ITPR2: variants seen among roughly 807,000 people sequenced by gnomAD.
ITPR2 encodes the protein inositol 1,4,5-trisphosphate receptor type 2.
In ITPR2, 207 loss-of-function variants were observed where a neutral mutation model predicts 317.1. The ratio of observed to expected loss-of-function variants is 0.65; its 90% CI spans 0.58 to 0.73. The LOEUF is 0.73. Ranked by LOEUF, ITPR2 falls within the 30% of genes least tolerant of loss-of-function variation. ITPR2 has a pLI of 0.00. For missense variants in ITPR2, 2,613 were observed against 3,284.0 expected (o/e 0.80, Z 4.99); for synonymous variants, 1,156 against 1,149.1 (o/e 1.01, Z -0.12).
intron 9 of ITPR2, among the ~76,000 whole-genome samples, chr12:26,699,850 T>C (rs1395403012): frequency 2.0e-5 from 3 of 152,172 alleles, no homozygotes; most frequent in African/African-American, 7.2e-5. Flanking sequence ...AAAAAAATTA[T>C]TTTTTAAAGA....
At chr12:26,495,374 T>G (rs11048550) in intron 37 of ITPR2, 114 bp from the exon 38 acceptor site, 306,592 of 544,142 alleles carry the variant, frequency 0.56, 89,762 homozygotes, top group South Asian at 0.67. Flanking sequence ...CATGGAAAAA[T>G]TAACTTTCTA....
chr12:26,510,660 T>A (rs1380111630), intron 37 of ITPR2, among the ~76,000 whole-genome samples: 2 of 152,146 alleles, frequency 1.3e-5, no homozygotes, highest in Admixed American at 6.5e-5. Context: ...CCCGCAGGAG[T>A]AAGGTGAAGA....
chr12:26,666,548 T>A (rs1186950617), intron 13 of ITPR2, among the ~76,000 whole-genome samples: 2 of 152,224 alleles, frequency 1.3e-5, no homozygotes, highest in Admixed American at 1.3e-4. Context: ...ATCCTTTTTC[T>A]TTCTTTTTTT....
At chr12:26,737,359 G>A (rs1048869002) in intron 2 of ITPR2, among the ~76,000 whole-genome samples, 1 of 151,736 alleles carries the variant, frequency 6.6e-6, no homozygotes, top group African/African-American at 2.4e-5. Context: ...AGGTTCAAGC[G>A]ATTCTCCTGT....
chr12:26,391,345 G>A (rs1281163660), intron 54 of ITPR2, among the ~76,000 whole-genome samples: 1 of 151,928 alleles, frequency 6.6e-6, no homozygotes, highest in Non-Finnish European at 1.5e-5. Flanking sequence ...ATGTTCTTTT[G>A]CCATCTGGGC....
chr12:26,755,730 C>T (rs578059706), intron 2 of ITPR2, among the ~76,000 whole-genome samples: 4 of 152,230 alleles, frequency 2.6e-5, no homozygotes, highest in African/African-American at 7.2e-5. Context: ...GTTATTTTAC[C>T]GAGGCTTTGA....
At chr12:26,804,778 C>G (rs935604168) in intron 1 of ITPR2, among the ~76,000 whole-genome samples, 2 of 152,016 alleles carry the variant, frequency 1.3e-5, no homozygotes, top group African/African-American at 4.8e-5. Context: ...CTCTGTCACC[C>G]AGGCTGGAAT....
chr12:26,574,757 G>A (rs577640384), intron 34 of ITPR2, among the ~76,000 whole-genome samples: 7 of 152,246 alleles, frequency 4.6e-5, no homozygotes, highest in South Asian at 2.1e-4. Context: ...CACTCGTGGT[G>A]GAAGGCACAG....
Position 26,644,385 on chromosome 12 carries a change from T to C in ITPR2, c.2740+9591A>G, listed in dbSNP as rs76611565. Reference sequence around the variant, plus strand: ...GGGGCCCAGGCAATAGAAAGCACCATCTATCAACCAGAAGCAGGCTCTCAC... The same window carrying C: ...GGGGCCCAGGCAATAGAAAGCACCACCTATCAACCAGAAGCAGGCTCTCAC... On this transcript the variant is annotated intron_variant, in intron 21 of 56. Transcript: ENST00000381340. Among the ~76,000 whole-genome samples, 910 of 152,210 alleles carry C rather than the reference T, an allele frequency of 6.0e-3. 9 individuals are homozygous for C. Among genetic ancestry groups the C allele is most frequent in the African/African-American group, 0.021 (862 of 41,520 alleles).
intron 26 of ITPR2, 64 bp downstream of exon 26, chr12:26,621,059 G>T: frequency 7.4e-7 from 1 of 1,359,470 alleles, no homozygotes; most frequent in Non-Finnish European, 1.0e-6. Flanking sequence ...TGTAGAGCAT[G>T]TGGTTATATA....
chr12:26,481,176 T>C lies in ITPR2; in HGVS notation c.6078A>G (p.Ile2026Met), dbSNP rs754752546. 2.5e-6 allele frequency: 4 copies of C among 1,613,644 alleles called. No homozygotes were observed. The highest frequency in any genetic ancestry group is 3.4e-6 in the Non-Finnish European group (4 of 1,179,664). ...DIIIALILND[I>M]NPLGKYRMDL... ...CCATTCGGTATTTACCAAGAGGGTT[T>C]ATGTCATTCAGAATCAAAGCAATGA... Residue 2026 changes from isoleucine (I) to methionine (M), a missense_variant, in exon 43 of 57, where the codon ATA (isoleucine) becomes ATG (methionine). Ile to Met is a conservative substitution (Grantham distance 10). This residue lies in a region of ITPR2 where 926 missense variants were observed against 1,072.8 expected (regional missense o/e 0.86). Coordinates refer to ENST00000381340, the MANE Select transcript of ITPR2 (RefSeq NM_002223.4).
chr12:26,694,818 T>C (rs1297830208), intron 10 of ITPR2, among the ~76,000 whole-genome samples: 1 of 152,152 alleles, frequency 6.6e-6, no homozygotes, highest in African/African-American at 2.4e-5. Flanking sequence ...ACCTCTACGT[T>C]TAGAGACATT....
chr12:26,790,615 ACAC>A, intron 1 of ITPR2, among the ~76,000 whole-genome samples: 1 of 151,984 alleles, frequency 6.6e-6, no homozygotes, highest in Middle Eastern at 3.4e-3. Context: ...ACACACACAC[ACAC>A]TTCTACACAT....
chr12:26,412,637 T>C (rs1940585103), intron 51 of ITPR2, among the ~76,000 whole-genome samples: 1 of 152,016 alleles, frequency 6.6e-6, no homozygotes, highest in African/African-American at 2.4e-5. Context: ...TTTTTTAATG[T>C]AATACATTAG....
intron 39 of ITPR2, among the ~76,000 whole-genome samples, chr12:26,489,514 G>A (rs1480989223): frequency 4.6e-5 from 7 of 152,152 alleles, no homozygotes. Flanking sequence ...GTAAGCTTGG[G>A]TCTATCTCAG....
chr12:26,647,640 A>G (rs1947143362), intron 21 of ITPR2, among the ~76,000 whole-genome samples: 1 of 152,248 alleles, frequency 6.6e-6, no homozygotes, highest in Admixed American at 6.5e-5. Flanking sequence ...GATCAATTAC[A>G]CTGAATGGTG....
intron 52 of ITPR2, among the ~76,000 whole-genome samples, chr12:26,410,539 A>T (rs1940513583): frequency 1.3e-5 from 2 of 151,962 alleles, no homozygotes; most frequent in Admixed American, 1.3e-4. Flanking sequence ...ACTATGCTTA[A>T]CTCTTTCTTC....
chr12:26,372,894 T>C (rs534618878), intron 55 of ITPR2, among the ~76,000 whole-genome samples: 3 of 152,186 alleles, frequency 2.0e-5, no homozygotes, highest in Non-Finnish European at 4.4e-5. Flanking sequence ...CGCCTCCCAC[T>C]GCCCCCCGAC....
chr12:26,661,022 A>G (rs1947483242), intron 15 of ITPR2, among the ~76,000 whole-genome samples: 1 of 151,920 alleles, frequency 6.6e-6, no homozygotes, highest in African/African-American at 2.4e-5. Flanking sequence ...AAGCTGCTTT[A>G]TGCTTACTAC....
Sources: allele counts gnomAD v4.1 joint callset (sites outside exome capture counted in the v4.1 genomes callset), GRCh38; gene constraint gnomAD v4.1.1; regional missense constraint gnomAD v4.1.1; transcripts MANE v1.5; gene names NCBI Gene and HGNC (gene_info 2026-07-23, HGNC 2026-07-21).